Variants in TTR observed in about 807,000 individuals in gnomAD.
The protein encoded by TTR is transthyretin.
In TTR, 8 loss-of-function variants were observed where a neutral mutation model predicts 13.7. The ratio of observed to expected loss-of-function variants is 0.58; its 90% confidence interval spans 0.34 to 1.05. The LOEUF is 1.05. TTR is among the 50% of genes least tolerant of loss of function. The pLI is 0.02. For synonymous variants in TTR, 75 were observed against 71.7 expected (o/e 1.05, Z -0.23); for missense variants, 135 against 185.5 (o/e 0.73, Z 1.58).
intron 3 of TTR, chr18:31,595,995 C>T (rs146284371): frequency 1.4e-4 from 22 of 156,554 alleles, no homozygotes; most frequent in African/African-American, 5.1e-4. Flanking sequence ...CGCATTATGC[C>T]CCAGGAAACT....
Position 31,593,032 on chromosome 18 carries a change from T to C in TTR, c.200+6T>C. The C allele has an allele frequency of 6.2e-7, 1 of 1,613,768 alleles. No individual in the cohort carries two copies. Among genetic ancestry groups the C allele is most frequent in the Non-Finnish European group, 8.5e-7 (1 of 1,179,770 alleles). ...TGGGAGCCATTTGCCTCTGGGTAAGTTGCCAAAGAACCCTCCCACAGGACT... is the reference window on the plus strand; with the variant it reads ...TGGGAGCCATTTGCCTCTGGGTAAGCTGCCAAAGAACCCTCCCACAGGACT... On this transcript the variant is annotated splice_donor_region_variant and intron_variant, in intron 2 of 3. Coordinates refer to ENST00000237014, the MANE Select transcript of TTR (RefSeq NM_000371.4).
At chr18:31,592,031 G>A (rs2144405523) in intron 1 of TTR, 60 bp downstream of exon 1, 5 of 1,581,444 alleles carry the variant, frequency 3.2e-6, no homozygotes, top group Non-Finnish European at 4.3e-6. Context: ...TGAAGTAGAA[G>A]TGACTCCTTC....
chr18:31,597,583 A>G (rs896666778), intron 3 of TTR, among the ~76,000 whole-genome samples: 1 of 152,074 alleles, frequency 6.6e-6, no homozygotes, highest in African/African-American at 2.4e-5. Flanking sequence ...TCCTATCCCT[A>G]AGTAATCCGG....
chr18:31,592,018 A>C, intron 1 of TTR, 47 bp downstream of exon 1: 1 of 1,604,786 alleles, frequency 6.2e-7, no homozygotes, highest in Non-Finnish European at 8.5e-7. Context: ...GATTCACGCT[A>C]AATGAAGTAG....
At chr18:31,592,085 G>A in intron 1 of TTR, 114 bp downstream of exon 1, 1 of 1,026,452 alleles carries the variant, frequency 9.7e-7, no homozygotes, top group Non-Finnish European at 1.5e-6. Context: ...AGGGTACCCA[G>A]CATCTATTTT....
chr18:31,593,699 G>A (rs933805740), intron 2 of TTR, among the ~76,000 whole-genome samples: 14 of 151,772 alleles, frequency 9.2e-5, no homozygotes, highest in East Asian at 1.9e-4. Context: ...CTAATCCCAC[G>A]ATCACCCGAC....
chr18:31,594,755 T>C (rs1442040405), intron 2 of TTR, among the ~76,000 whole-genome samples: 2 of 151,924 alleles, frequency 1.3e-5, no homozygotes, highest in Non-Finnish European at 2.9e-5. Flanking sequence ...TCCCAGCTAA[T>C]TGGGAGGCTG....
chr18:31,595,757 A>G lies in TTR; in HGVS notation c.336+502A>G, dbSNP rs1422048683. 2.7e-5 allele frequency: 9 copies of G among 328,264 alleles called. 1 individual carries two copies. Among genetic ancestry groups the G allele is most frequent in the South Asian group, 5.3e-5 (2 of 38,036 alleles). 20.3% of individuals were successfully genotyped at this position (328,264 alleles called of 1,614,324 possible). ...ACAATAGATAACATTTACCAAGCAT[A>G]CACCATGTGGCAGACACAATTATAA... On this transcript the variant is annotated intron_variant, in intron 3 of 3. Transcript: ENST00000237014.
chr18:31,592,054 C>T (rs771606731), intron 1 of TTR, 83 bp downstream of exon 1: 120 of 1,458,456 alleles, frequency 8.2e-5, no homozygotes, highest in Non-Finnish European at 1.1e-4. Context: ...GCTTTGCCAA[C>T]CAGCTTTTAT....
At chr18:31,595,020 T>C (rs2073509411) in intron 2 of TTR, 100 bp from the exon 3 acceptor site, 2 of 1,268,484 alleles carry the variant, frequency 1.6e-6, no homozygotes, top group African/African-American at 2.9e-5. Flanking sequence ...ATAACATGTT[T>C]ATAACATGTT....
At chr18:31,596,452 G>A (rs1045501874) in intron 3 of TTR, among the ~76,000 whole-genome samples, 2 of 152,072 alleles carry the variant, frequency 1.3e-5, no homozygotes, top group South Asian at 2.1e-4. Flanking sequence ...GCAGGGTTTC[G>A]GCGGCGCCCA....
chr18:31,592,068 T>A (rs1189466765), intron 1 of TTR, 97 bp downstream of exon 1: 8 of 1,221,822 alleles, frequency 6.5e-6, no homozygotes, highest in Non-Finnish European at 9.7e-6. Context: ...CTTTTATTAC[T>A]AGGGCAAGGG....
intron 2 of TTR, 150 bp from the exon 3 acceptor site, chr18:31,594,970 G>A (rs1598844995): frequency 4.5e-6 from 4 of 888,876 alleles, no homozygotes; most frequent in East Asian, 2.7e-5. Flanking sequence ...TTTCAGTTAG[G>A]AGTTTTCCCT....
chr18:31,598,696 C>A lies in TTR; in HGVS notation c.*21C>A, dbSNP rs12226. 5,942 of 1,607,618 alleles carry A rather than the reference C, an allele frequency of 3.7e-3. 203 individuals carry two copies. The African/African-American group carries it at 0.072, about 19-fold the overall frequency. On this transcript the variant is annotated 3_prime_UTR_variant, in exon 4 of 4. Transcript: ENST00000237014. ...AATGAGGGACTTCTCCTCCAGTGGACCTGAAGGACGAGGGATGGGATTTCA... is the reference window on the plus strand; with the variant it reads ...AATGAGGGACTTCTCCTCCAGTGGAACTGAAGGACGAGGGATGGGATTTCA...
intron 1 of TTR, 110 bp downstream of exon 1, chr18:31,592,081 C>T (rs2073489222): frequency 1.9e-6 from 2 of 1,049,388 alleles, no homozygotes; most frequent in South Asian, 2.6e-5. Context: ...GGCAAGGGTA[C>T]CCAGCATCTA....
At chr18:31,598,335 T>C in intron 3 of TTR, 1 of 644,264 alleles carries the variant, frequency 1.6e-6, no homozygotes, top group East Asian at 2.9e-5. Flanking sequence ...ACTTTCGGCG[T>C]GAATTTGCAA....
chr18:31,592,966 A>C lies in TTR; in HGVS notation c.140A>C (p.Asn47Thr), dbSNP rs145551875. The change falls in exon 2 of 4, where the codon AAT becomes ACT. Residue 47 changes from asparagine to threonine, a missense_variant. Coordinates refer to ENST00000237014, the MANE Select transcript of TTR (RefSeq NM_000371.4). Reference protein sequence around the residue: ...LDAVRGSPAINVAVHVFRKAA... With the variant: ...LDAVRGSPAITVAVHVFRKAA... ...GCTGTCCGAGGCAGTCCTGCCATCA[A>C]TGTGGCCGTGCATGTGTTCAGAAAG... 6.2e-7 allele frequency: 1 copy of C among 1,614,018 alleles called. No individual in the cohort carries two copies. The highest frequency in any genetic ancestry group is 1.3e-5 in the African/African-American group (1 of 74,918).
At chr18:31,597,960 C>G (rs2073524886) in intron 3 of TTR, 1 of 183,384 alleles carries the variant, frequency 5.5e-6, no homozygotes, top group African/African-American at 2.4e-5. Context: ...CTTCGTATTT[C>G]ATTGCTTGTT....
At chr18:31,593,363 TAC>T (rs1273830062) in intron 2 of TTR, 3 of 317,622 alleles carry the variant, frequency 9.4e-6, no homozygotes, top group Non-Finnish European at 1.2e-5. Flanking sequence ...AATGCACAGA[TAC>T]ACACACATAC....
Sources: gnomAD v4.1 joint callset for allele counts (sites outside exome capture counted in the v4.1 genomes callset) on GRCh38, gnomAD v4.1.1 for gene constraint, MANE v1.5 for transcripts, NCBI Gene and HGNC (gene_info 2026-07-23, HGNC 2026-07-21) for gene names.